ATAD3B: variants seen among roughly 807,000 people sequenced by gnomAD.
The protein encoded by ATAD3B is ATPase family AAA domain containing 3B.
In ATAD3B, 59 loss-of-function variants were observed where a neutral mutation model predicts 70.2. The ratio of observed to expected loss-of-function variants is 0.84; its 90% CI spans 0.68 to 1.04. The LOEUF (loss-of-function observed/expected upper bound fraction) is 1.04, where lower values mean the gene tolerates loss of function less well. ATAD3B is among the 50% of genes least tolerant of loss of function. ATAD3B has a pLI of 0.00. For synonymous variants in ATAD3B, 423 were observed against 388.6 expected (o/e 1.09, Z -1.04); for missense variants, 961 against 913.4 (o/e 1.05, Z -0.67).
In ATAD3B at chr1:1,490,334, A is replaced by T; in HGVS notation, c.1415A>T (p.His472Leu). The change falls in exon 14 of 16, where the codon CAC becomes CTC. Residue 472 changes from histidine (H) to leucine (L), a missense_variant. His to Leu is a moderately conservative substitution (Grantham distance 99, BLOSUM62 -3). This residue lies in a region of ATAD3B where 417 missense variants were observed against 335.0 expected (regional missense o/e 1.24). Transcript: ENST00000673477. ...AACAGCCGCATTGACGTGATGGTCC[A>T]CTTCGACCTGCCGCAGCAGGAGGAG... is the stretch of plus-strand genomic sequence containing the variant. ...AINSRIDVMV[H>L]FDLPQQEERE... is the part of the protein sequence containing the mutation. 6.2e-7 allele frequency: 1 copy of T among 1,613,252 alleles called. No homozygotes were observed.
Position 1,495,692 on chromosome 1 carries a change from G to C in ATAD3B, c.1822G>C (p.Ala608Pro). 6.2e-7 allele frequency: 1 copy of C among 1,613,156 alleles called. No individual in the cohort carries two copies. The highest frequency in any genetic ancestry group is 1.3e-5 in the African/African-American group (1 of 75,028). ...CACGGACCCCTCCTACCCCTGCCTT[G>C]CCGGCCCCTGCACATTTAGGATATG... ...LATDPSYPCL[A>P]GPCTFRICSW... The change falls in exon 16 of 16, where the codon GCC becomes CCC. Residue 608 changes from alanine (A) to proline (P), a missense_variant. Physicochemically the swap from Ala to Pro is conservative, Grantham distance 27. This residue lies in a region of ATAD3B where 417 missense variants were observed against 335.0 expected (regional missense o/e 1.24). Transcript: ENST00000673477.
chr1:1,495,378 T>G (rs1640729613), intron 15 of ATAD3B, 107 bp from the exon 16 acceptor site: 3 of 1,423,280 alleles, frequency 2.1e-6, no homozygotes, highest in African/African-American at 1.4e-5. Flanking sequence ...ACCCTGAGGT[T>G]GTCCTGGTGC....
At position 1,481,935 on chromosome 1, in the gene ATAD3B, T is replaced by C. The variant is rs542213104; in HGVS notation, c.515-203T>C. On this transcript the variant is annotated intron_variant, in intron 5 of 15. Coordinates refer to ENST00000673477, the MANE Select transcript of ATAD3B (RefSeq NM_031921.6). ...GGCCGGTCCACGGCATGGGCCTGTC[T>C]GTGGCGTGGGCCGGTCCGTGGTGCG... is the stretch of plus-strand genomic sequence containing the variant. Among the ~76,000 whole-genome samples the C allele has an allele frequency of 1.1e-3, 174 of 151,608 alleles. 2 individuals carry two copies. The highest frequency in any genetic ancestry group is 3.2e-3 in the African/African-American group (131 of 41,198).
rs1295342976 is a variant in ATAD3B at position 1,477,286 on chromosome 1, A to G, written c.218A>G (p.Glu73Gly). 1.2e-6 allele frequency: 2 copies of G among 1,612,442 alleles called. No homozygotes were observed. Among genetic ancestry groups the G allele is most frequent in the Non-Finnish European group, 8.5e-7 (1 of 1,179,686 alleles). ...CATGCGCCCGCAGGTTACGCCAAGG[A>G]GGCCCTGAATCTGGCGCAGATGCAG... The part of the protein sequence containing the change: ...RELEHSRYAK[E>G]ALNLAQMQEQ... The change falls in exon 2 of 16, where the codon GAG becomes GGG. Residue 73 changes from glutamate (E) to glycine (G), a missense_variant. Glu to Gly is a moderately conservative substitution (Grantham distance 98). Around this residue, in one of 4 missense-constraint regions of ATAD3B, gnomAD observed 187 missense variants for 244.3 expected, o/e 0.77. Coordinates refer to ENST00000673477, the MANE Select transcript of ATAD3B (RefSeq NM_031921.6).
downstream of ATAD3B, among the ~76,000 whole-genome samples, chr1:1,501,477 G>A (rs6673870): frequency 5.3e-5 from 8 of 152,114 alleles, 1 homozygote; most frequent in South Asian, 8.3e-4. Context: ...GGATGGTCTC[G>A]ATCTCCTGAC....
intron 12 of ATAD3B, among the ~76,000 whole-genome samples, chr1:1,488,632 G>A (rs776064201): frequency 9.9e-5 from 15 of 152,074 alleles, no homozygotes; most frequent in Middle Eastern, 3.4e-3. Context: ...CGTGGGGCAC[G>A]CATGTAATCC....
chr1:1,493,877 C>T (rs1335649807), intron 15 of ATAD3B, among the ~76,000 whole-genome samples: 5 of 151,826 alleles, frequency 3.3e-5, no homozygotes, highest in Non-Finnish European at 7.4e-5. Context: ...TATTGGCCTG[C>T]CATTTCTCTT....
At chr1:1,505,353 A>C in the ATAD3B span, among the ~76,000 whole-genome samples, 1 of 152,070 alleles carries the variant, frequency 6.6e-6, no homozygotes, top group African/African-American at 2.4e-5. Context: ...TGTTATCTAA[A>C]AGGCAAAGCC....
chr1:1,507,317 T>C, the ATAD3B span, among the ~76,000 whole-genome samples: 1 of 152,218 alleles, frequency 6.6e-6, no homozygotes, highest in Admixed American at 6.5e-5. Context: ...TTGTGATATA[T>C]GGCCTTCATT....
chr1:1,490,623 G>A lies in ATAD3B; in HGVS notation c.1566G>A (p.Thr522=), dbSNP rs143153541. The change falls in exon 15 of 16, where the codon ACG becomes ACA. Residue 522 remains threonine, a synonymous_variant. Coordinates refer to ENST00000673477, the MANE Select transcript of ATAD3B (RefSeq NM_031921.6). The part of the protein sequence containing the change: ...GRKCSEVARL[T]EGMSGREIAQ... ...AGTGCTCGGAGGTCGCTCGGCTGAC[G>A]GAGGGCATGTCGGGCCGGGAGATCG... The A allele has an allele frequency of 0.012, 18,540 of 1,607,508 alleles. 1,410 individuals carry two copies. In the East Asian group the frequency reaches 0.2, roughly 17 times the overall value.
At chr1:1,504,030 C>A in the ATAD3B span, among the ~76,000 whole-genome samples, 1 of 152,008 alleles carries the variant, frequency 6.6e-6, no homozygotes, top group South Asian at 2.1e-4. Flanking sequence ...CTCTGTTGCC[C>A]GGGCTTGAGT....
Position 1,490,569 on chromosome 1 carries a change from G to C in ATAD3B, c.1512G>C (p.Leu504=). 1 of 1,611,072 alleles carries C rather than the reference G, an allele frequency of 6.2e-7. No homozygotes were observed. The change falls in exon 15 of 16, where the codon CTG becomes CTC. Residue 504 remains leucine, a synonymous_variant. Transcript: ENST00000673477. ...TTGGGAACTCCTTCCCCAGGCGCCT[G>C]AAGCTGGCCCAGTTTGACTACGGGA... is the stretch of plus-strand genomic sequence containing the variant. ...LKPATEGKRR[L]KLAQFDYGRK... is the part of the protein sequence containing the mutation.
rs1465076762 is a variant in ATAD3B, at chr1:1,477,262, A to T, written c.206-12A>T. 2 of 1,612,172 alleles carry T rather than the reference A, an allele frequency of 1.2e-6. No individual in the cohort carries two copies. The highest frequency in any genetic ancestry group is 1.7e-6 in the Non-Finnish European group (2 of 1,179,538). On this transcript the variant is annotated splice_polypyrimidine_tract_variant and intron_variant, in intron 1 of 15. Transcript: ENST00000673477. ...ATCCTACACCTGCTCTCCGTGCCACATGCGCCCGCAGGTTACGCCAAGGAG... is the reference window on the plus strand; with the variant it reads ...ATCCTACACCTGCTCTCCGTGCCACTTGCGCCCGCAGGTTACGCCAAGGAG...
At chr1:1,489,408 T>TCAC in intron 13 of ATAD3B, 134 bp downstream of exon 13, 1 of 1,478,938 alleles carries the variant, frequency 6.8e-7, no homozygotes, top group Non-Finnish European at 9.2e-7. Flanking sequence ...AGATGTCCCC[T>TCAC]GGGAACGGCC....
At chr1:1,508,008 A>G in the ATAD3B span, among the ~76,000 whole-genome samples, 1 of 152,164 alleles carries the variant, frequency 6.6e-6, no homozygotes, top group Non-Finnish European at 1.5e-5. Context: ...GGCTCCTGCC[A>G]GGTCCCGTGC....
At chr1:1,501,016 G>A (rs146136944), downstream of ATAD3B, among the ~76,000 whole-genome samples, 40 of 152,302 alleles carry the variant, frequency 2.6e-4, no homozygotes, top group East Asian at 7.5e-3. Flanking sequence ...GGTTCTGTAA[G>A]TACTTGAAGG....
the ATAD3B span, among the ~76,000 whole-genome samples, chr1:1,508,049 C>T: frequency 5.9e-5 from 9 of 152,206 alleles, no homozygotes; most frequent in African/African-American, 9.6e-5. Context: ...TGAGCATCTG[C>T]GTAGCCCCTT....
chr1:1,508,205 C>T, the ATAD3B span, among the ~76,000 whole-genome samples: 3 of 151,560 alleles, frequency 2.0e-5, no homozygotes, highest in Admixed American at 6.5e-5. Flanking sequence ...GGTACGGCTC[C>T]AGTCAGTGTC....
intron 7 of ATAD3B, chr1:1,484,342 G>A (rs1291874103): frequency 1.3e-5 from 2 of 151,922 alleles, no homozygotes; most frequent in East Asian, 1.9e-4. Context: ...CGCCACGCCC[G>A]GCTAATTTTT....
Sources: gnomAD v4.1 joint callset for allele counts (sites outside exome capture counted in the v4.1 genomes callset) on GRCh38, gnomAD v4.1.1 for gene constraint, gnomAD v4.1.1 regional missense constraint, MANE v1.5 for transcripts, NCBI Gene and HGNC (gene_info 2026-07-23, HGNC 2026-07-21) for gene names.